Variants in TTC3 observed in about 807,000 individuals in gnomAD.
TTC3 encodes tetratricopeptide repeat domain 3.
A neutral mutation model predicts 249.6 loss-of-function variants in TTC3; 180 were observed. The observed-to-expected ratio is 0.72, with a 90% CI of 0.64 to 0.82. The LOEUF is 0.82. Among genes scored for constraint, TTC3 ranks in the 40% least tolerant of loss-of-function variants. The pLI, the probability that TTC3 is intolerant of heterozygous loss-of-function variation, is 0.00. For synonymous variants in TTC3, 717 were observed against 805.0 expected (o/e 0.89, Z 1.85); for missense variants, 2,061 against 2,398.4 (o/e 0.86, Z 2.94).
intron 5 of TTC3, 45 bp from the exon 6 acceptor site, chr21:37,090,187 GA>G: frequency 6.9e-7 from 1 of 1,455,658 alleles, no homozygotes; most frequent in Non-Finnish European, 9.5e-7. Context: ...AATTCAAGTA[GA>G]ATTGACTGAA....
intron 14 of TTC3, among the ~76,000 whole-genome samples, chr21:37,125,838 C>T (rs1160357389): frequency 3.3e-5 from 5 of 150,636 alleles, no homozygotes; most frequent in Non-Finnish European, 7.4e-5. Context: ...TGTCAGACAT[C>T]GTGCTAGGCA....
In TTC3 at chr21:37,165,534, G is replaced by T; in HGVS notation, c.3336-16G>T. Reference sequence around the variant, plus strand: ...CTTCCTTATAGTAACTCATGTAAATGTAAATTTTTTCCAAGTTACTTCTCT... The same window carrying T: ...CTTCCTTATAGTAACTCATGTAAATTTAAATTTTTTCCAAGTTACTTCTCT... On this transcript the variant is annotated splice_polypyrimidine_tract_variant and intron_variant, in intron 32 of 45. Transcript: ENST00000355666. The T allele has an allele frequency of 6.4e-7, 1 of 1,567,718 alleles. No homozygotes were observed. Among genetic ancestry groups the T allele is most frequent in the South Asian group, 1.2e-5 (1 of 84,904 alleles).
At chr21:37,088,760 T>G in intron 4 of TTC3, 39 bp from the exon 5 acceptor site, 4 of 1,553,694 alleles carry the variant, frequency 2.6e-6, no homozygotes, top group Non-Finnish European at 3.5e-6. Flanking sequence ...TTTGTATATA[T>G]GAGAATCTAA....
intron 45 of TTC3, 30 bp from the exon 46 acceptor site, chr21:37,201,410 C>A: frequency 2.5e-6 from 4 of 1,612,854 alleles, no homozygotes; most frequent in Non-Finnish European, 3.4e-6. Flanking sequence ...GTCCTGAAGG[C>A]ATCTTCTGAT....
chr21:37,196,182 C>T, intron 42 of TTC3, 146 bp downstream of exon 42: 25 of 999,438 alleles, frequency 2.5e-5, no homozygotes, highest in South Asian at 1.5e-4. Context: ...ACATTTCTTT[C>T]TTTTTGTAAA....
chr21:37,181,111 T>C (rs976842912), intron 35 of TTC3, among the ~76,000 whole-genome samples: 7 of 152,246 alleles, frequency 4.6e-5, no homozygotes, highest in African/African-American at 1.2e-4. Flanking sequence ...CTGACCTGTT[T>C]AGCATTGTGA....
At chr21:37,076,694 A>G (rs374010143) in intron 1 of TTC3, among the ~76,000 whole-genome samples, 1 of 94,994 alleles carries the variant, frequency 1.1e-5, no homozygotes, top group Non-Finnish European at 1.9e-5. Flanking sequence ...AAACAAAGGG[A>G]TTTTTTTTTT....
chr21:37,153,016 T>C (rs1217133988), exon 27 of TTC3: 1 of 1,613,992 alleles, frequency 6.2e-7, no homozygotes, highest in Admixed American at 1.7e-5. Context: ...TATAAAGCAG[T>C]ATGCTGACAA....
chr21:37,186,676 C>G (rs966630446), intron 37 of TTC3, among the ~76,000 whole-genome samples: 1 of 152,228 alleles, frequency 6.6e-6, no homozygotes, highest in African/African-American at 2.4e-5. Context: ...ATCCGCCTGC[C>G]TTGGCCTCCC....
chr21:37,105,067 T>C (rs760590306), intron 10 of TTC3, among the ~76,000 whole-genome samples: 2 of 152,112 alleles, frequency 1.3e-5, no homozygotes, highest in Admixed American at 6.5e-5. Context: ...CTAAGTGTGG[T>C]GTCATAGAAG....
chr21:37,178,690 T>A (rs2082478354), intron 35 of TTC3, among the ~76,000 whole-genome samples: 1 of 152,224 alleles, frequency 6.6e-6, no homozygotes, highest in Non-Finnish European at 1.5e-5. Flanking sequence ...CCAGGTGCGG[T>A]GGCTTACACC....
Position 37,201,424 on chromosome 21 carries a change from G to A in TTC3, c.5944-16G>A. 6.2e-7 allele frequency: 1 copy of A among 1,613,422 alleles called. No individual in the cohort carries two copies. Among genetic ancestry groups the A allele is most frequent in the South Asian group, 1.1e-5 (1 of 91,044 alleles). ...GGTCCTGAAGGCATCTTCTGATTTT[G>A]TTTTCTCCTTTTCAGTGCTTTAAGC... On this transcript the variant is annotated splice_polypyrimidine_tract_variant and intron_variant, in intron 45 of 45. Coordinates refer to ENST00000355666, the Ensembl canonical transcript of TTC3.
chr21:37,164,325 C>A, intron 32 of TTC3, 110 bp downstream of exon 32: 15 of 1,014,154 alleles, frequency 1.5e-5, no homozygotes, highest in South Asian at 2.0e-5. Context: ...ACATTTTACA[C>A]AAAGTTAATT....
intron 41 of TTC3, among the ~76,000 whole-genome samples, chr21:37,193,579 A>G (rs535684194): frequency 6.6e-6 from 1 of 152,304 alleles, no homozygotes; most frequent in African/African-American, 2.4e-5. Flanking sequence ...TTAGTTTGTA[A>G]TCCTAGCTTA....
At chr21:37,078,828 T>A (rs1340949204) in intron 1 of TTC3, among the ~76,000 whole-genome samples, 1 of 152,196 alleles carries the variant, frequency 6.6e-6, no homozygotes, top group African/African-American at 2.4e-5. Context: ...ACTTTATACT[T>A]ACGTTCAATG....
chr21:37,184,051 A>C (rs1238976156), intron 36 of TTC3, among the ~76,000 whole-genome samples: 1 of 152,108 alleles, frequency 6.6e-6, no homozygotes, highest in Non-Finnish European at 1.5e-5. Context: ...TCCTCAAACA[A>C]TGAGGAAAAG....
intron 17 of TTC3, among the ~76,000 whole-genome samples, chr21:37,134,104 C>G (rs1043583357): frequency 2.0e-5 from 3 of 152,044 alleles, no homozygotes; most frequent in East Asian, 1.9e-4. Context: ...GAAAGCTGCT[C>G]TTTTCTATGC....
chr21:37,145,381 T>G (rs1441244786), intron 21 of TTC3, among the ~76,000 whole-genome samples: 2 of 152,168 alleles, frequency 1.3e-5, no homozygotes, highest in Non-Finnish European at 2.9e-5. Flanking sequence ...AATTAGCACA[T>G]GAAAAGACAT....
chr21:37,087,447 G>C, intron 2 of TTC3, 46 bp downstream of exon 2: 1 of 1,605,974 alleles, frequency 6.2e-7, no homozygotes, highest in Non-Finnish European at 8.5e-7. Flanking sequence ...GTGTATTGAA[G>C]GTTTTCTGGT....
Sources: gnomAD v4.1 joint callset for allele counts (sites outside exome capture counted in the v4.1 genomes callset) on GRCh38, gnomAD v4.1.1 for gene constraint, MANE v1.5 for transcripts, NCBI Gene and HGNC (gene_info 2026-07-23, HGNC 2026-07-21) for gene names.